CHRM3: variants seen among roughly 807,000 people sequenced by gnomAD.
CHRM3 encodes muscarinic acetylcholine receptor M3.
A neutral mutation model predicts 41.8 loss-of-function variants in CHRM3; 11 were observed. That is an observed-to-expected ratio of 0.26 (90% CI 0.17 to 0.44). The LOEUF (loss-of-function observed/expected upper bound fraction) is 0.44. CHRM3 is among the 20% of genes least tolerant of loss of function. CHRM3 has a pLI of 1.00. For missense variants in CHRM3, 571 were observed against 745.4 expected (o/e 0.77, Z 2.72); for synonymous variants, 297 against 301.4 (o/e 0.99, Z 0.15).
intron 4 of CHRM3, among the ~76,000 whole-genome samples, chr1:239,659,245 C>G (rs1672979962): frequency 6.6e-6 from 1 of 152,196 alleles, no homozygotes; most frequent in South Asian, 2.1e-4. Context: ...AAGTTAGCCA[C>G]TTCTCTGCTG....
intron 1 of CHRM3, among the ~76,000 whole-genome samples, chr1:239,480,690 G>C (rs892672925): frequency 2.6e-5 from 4 of 151,746 alleles, no homozygotes; most frequent in African/African-American, 9.7e-5. Flanking sequence ...CTGAGTAGCG[G>C]GGACTACAGG....
intron 4 of CHRM3, among the ~76,000 whole-genome samples, chr1:239,644,484 C>G (rs1309737794): frequency 6.6e-6 from 1 of 152,146 alleles, no homozygotes; most frequent in Non-Finnish European, 1.5e-5. Context: ...TATTTGAGTT[C>G]CAGGTGCACA....
chr1:239,451,223 T>C (rs528437549), intron 1 of CHRM3, among the ~76,000 whole-genome samples: 9 of 151,990 alleles, frequency 5.9e-5, no homozygotes, highest in African/African-American at 1.9e-4. Flanking sequence ...AAGAAAGAAA[T>C]AAAATAATAA....
At chr1:239,435,664 G>A (rs771547147) in intron 1 of CHRM3, among the ~76,000 whole-genome samples, 38 of 152,116 alleles carry the variant, frequency 2.5e-4, no homozygotes, top group Admixed American at 5.9e-4. Context: ...AAAAAAGTGT[G>A]CGCAGTGTTT....
intron 6 of CHRM3, among the ~76,000 whole-genome samples, chr1:239,885,514 C>CT (rs1242107126): frequency 2.6e-5 from 4 of 152,198 alleles, no homozygotes; most frequent in Non-Finnish European, 4.4e-5. Context: ...TGGGCTCCTT[C>CT]TTGTACCGAG....
chr1:239,889,221 C>T (rs147134546), intron 6 of CHRM3, among the ~76,000 whole-genome samples: 29 of 152,192 alleles, frequency 1.9e-4, no homozygotes, highest in African/African-American at 6.7e-4. Context: ...ACATAGAGCA[C>T]GGAAGATTGG....
At chr1:239,713,677 T>G (rs1662042557) in intron 5 of CHRM3, among the ~76,000 whole-genome samples, 1 of 152,168 alleles carries the variant, frequency 6.6e-6, no homozygotes, top group East Asian at 1.9e-4. Flanking sequence ...CATTTCCCTA[T>G]ATCATACTGT....
intron 5 of CHRM3, among the ~76,000 whole-genome samples, chr1:239,737,015 G>C (rs969374487): frequency 4.6e-5 from 7 of 151,906 alleles, no homozygotes; most frequent in African/African-American, 9.7e-5. Context: ...TATTGTTATT[G>C]GTTCATTTAA....
chr1:239,651,985 G>GT (rs56096731), intron 4 of CHRM3, among the ~76,000 whole-genome samples: 314 of 140,244 alleles, frequency 2.2e-3, no homozygotes, highest in South Asian at 6.0e-3. Flanking sequence ...GCCAGTTTTT[G>GT]TTTTTTTTTT....
chr1:239,577,882 T>C (rs1018042755), intron 3 of CHRM3, among the ~76,000 whole-genome samples: 1 of 152,152 alleles, frequency 6.6e-6, no homozygotes, highest in African/African-American at 2.4e-5. Flanking sequence ...ATGGCAAGCA[T>C]ACGGATCCCC....
intron 2 of CHRM3, among the ~76,000 whole-genome samples, chr1:239,543,863 A>G (rs1242865982): frequency 1.3e-5 from 2 of 152,180 alleles, no homozygotes; most frequent in East Asian, 3.9e-4. Context: ...TTTGTGGGTC[A>G]TACTGTTTCT....
At chr1:239,696,241 C>G (rs754774381) in intron 5 of CHRM3, among the ~76,000 whole-genome samples, 1 of 152,096 alleles carries the variant, frequency 6.6e-6, no homozygotes, top group Non-Finnish European at 1.5e-5. Context: ...AAATCTTATA[C>G]CTGTTCCGTG....
chr1:239,872,782 A>G (rs927597844), intron 6 of CHRM3, among the ~76,000 whole-genome samples: 2 of 152,186 alleles, frequency 1.3e-5, no homozygotes, highest in Non-Finnish European at 2.9e-5. Flanking sequence ...TTTTTCAAGT[A>G]ATATACATGC....
chr1:239,857,681 A>G (rs1467115194), intron 6 of CHRM3, among the ~76,000 whole-genome samples: 1 of 152,224 alleles, frequency 6.6e-6, no homozygotes, highest in Non-Finnish European at 1.5e-5. Context: ...GTAATTTGAT[A>G]TATCACTCGG....
intron 4 of CHRM3, among the ~76,000 whole-genome samples, chr1:239,661,801 A>T (rs1181581244): frequency 6.6e-6 from 1 of 152,136 alleles, no homozygotes; most frequent in Non-Finnish European, 1.5e-5. Flanking sequence ...CCTAATTTAA[A>T]CTATAGATTT....
chr1:239,437,498 C>T (rs1572295094), intron 1 of CHRM3, among the ~76,000 whole-genome samples: 2 of 152,266 alleles, frequency 1.3e-5, no homozygotes, highest in Non-Finnish European at 1.5e-5. Flanking sequence ...GATGAGTGAA[C>T]TCAGAATTGT....
chr1:239,408,643 T>G (rs1305037081), intron 1 of CHRM3, among the ~76,000 whole-genome samples: 1 of 152,106 alleles, frequency 6.6e-6, no homozygotes. Flanking sequence ...CAGGATGCTC[T>G]TTTAAAAAAT....
chr1:239,583,605 G>A (rs986345268), intron 3 of CHRM3, among the ~76,000 whole-genome samples: 2 of 152,084 alleles, frequency 1.3e-5, no homozygotes, highest in Non-Finnish European at 2.9e-5. Context: ...TGCTTTGAAT[G>A]TAAATTTACT....
chr1:239,874,303 A>ATATATCTATATACACAG (rs1553291987), intron 6 of CHRM3, among the ~76,000 whole-genome samples: 2 of 123,996 alleles, frequency 1.6e-5, no homozygotes, highest in East Asian at 2.3e-4. Context: ...ATATATATAT[A>ATATATCTATATACACAG]TATATATATA....
Sources: allele counts gnomAD v4.1 joint callset (sites outside exome capture counted in the v4.1 genomes callset), GRCh38; gene constraint gnomAD v4.1.1; transcripts MANE v1.5; gene names NCBI Gene and HGNC (gene_info 2026-07-23, HGNC 2026-07-21).